HMGN5: variants seen among roughly 807,000 people sequenced by gnomAD.
HMGN5 encodes the protein high mobility group nucleosome binding domain 5.
HMGN5 carries 4 observed loss-of-function variants against 9.5 expected under a neutral mutation model. That is an observed-to-expected ratio of 0.42 (90% CI 0.21 to 0.96). The LOEUF (loss-of-function observed/expected upper bound fraction) is 0.96. HMGN5 is among the 40% of genes least tolerant of loss of function. HMGN5 has a pLI of 0.30. For missense variants in HMGN5, 192 were observed against 187.5 expected (o/e 1.02, Z -0.14); for synonymous variants, 55 against 57.1 (o/e 0.96, Z 0.16).
chrX:81,148,677 C>G (rs903947825), intron 1 of HMGN5, among the ~76,000 whole-genome samples: 2 of 111,472 alleles, frequency 1.8e-5, no homozygotes, highest in Admixed American at 9.5e-5. Context: ...AAGAAGCTAC[C>G]ATTAGAGCGA....
chrX:81,174,111 T>C (rs746962985), intron 1 of HMGN5, among the ~76,000 whole-genome samples: 42 of 111,523 alleles, frequency 3.8e-4, no homozygotes, highest in African/African-American at 1.3e-3. Context: ...AGTCTCATTA[T>C]AGGAAAATAA....
At chrX:81,154,725 C>A (rs1209128449) in intron 1 of HMGN5, among the ~76,000 whole-genome samples, 2 of 110,757 alleles carry the variant, frequency 1.8e-5, no homozygotes, top group Non-Finnish European at 3.8e-5. Flanking sequence ...ATAGACATTT[C>A]TCAAAAGGAG....
chrX:81,130,651 C>A (rs1289113538), intron 1 of HMGN5, among the ~76,000 whole-genome samples: 1 of 110,200 alleles, frequency 9.1e-6, no homozygotes, highest in African/African-American at 3.3e-5. Context: ...TTCAGTTCTC[C>A]CTGAGATACC....
intron 1 of HMGN5, among the ~76,000 whole-genome samples, chrX:81,200,751 A>T (rs2075524020): frequency 9.0e-6 from 1 of 110,981 alleles, no homozygotes; most frequent in Non-Finnish European, 1.9e-5. Context: ...TGAAATACCT[A>T]ATGTAAACAA....
At chrX:81,119,314 T>G (rs780212992) in intron 3 of HMGN5, among the ~76,000 whole-genome samples, 2 of 112,011 alleles carry the variant, frequency 1.8e-5, no homozygotes, top group East Asian at 5.6e-4. Context: ...ATTCTCGCTT[T>G]GTAGGACATA....
intron 1 of HMGN5, among the ~76,000 whole-genome samples, chrX:81,182,083 G>A (rs1371940293): frequency 1.8e-5 from 2 of 111,384 alleles, no homozygotes; most frequent in African/African-American, 3.3e-5. Flanking sequence ...GTGGGTTCCC[G>A]TTTCTCCACA....
At chrX:81,161,777 T>C (rs1426929653) in intron 1 of HMGN5, among the ~76,000 whole-genome samples, 3 of 110,931 alleles carry the variant, frequency 2.7e-5, no homozygotes. Flanking sequence ...ACATGAAAAA[T>C]AGGATACACC....
intron 1 of HMGN5, among the ~76,000 whole-genome samples, chrX:81,196,099 A>C (rs1602585696): frequency 8.9e-6 from 1 of 111,735 alleles, no homozygotes. Context: ...TCTCCTCTGC[A>C]GATACTCCCC....
chrX:81,159,169 T>C (rs771264546), intron 1 of HMGN5, among the ~76,000 whole-genome samples: 46 of 111,230 alleles, frequency 4.1e-4, no homozygotes, highest in Middle Eastern at 4.6e-3. Context: ...CACTTGTAAG[T>C]GTGAGCTGAA....
chrX:81,195,147 C>T (rs758534545), intron 1 of HMGN5: 6 of 112,020 alleles, frequency 5.4e-5, no homozygotes, highest in Admixed American at 4.7e-4. Flanking sequence ...CCACATTAGG[C>T]TGTCTGCAAG....
chrX:81,116,262 G>C lies in HMGN5; in HGVS notation c.209C>G (p.Ala70Gly). 8.4e-7 allele frequency: 1 copy of C among 1,193,788 alleles called. No homozygotes were observed. Among genetic ancestry groups the C allele is most frequent in the Middle Eastern group, 2.3e-4 (1 of 4,305 alleles). ...TTCATTGTAGTCTTCTTCAACAACT[G>C]CTTCTTGCTTGGTTTCAGCAACTGC... Reference protein sequence around the residue: ...AQAVAETKQEAVVEEDYNENA... With the variant: ...AQAVAETKQEGVVEEDYNENA... The change falls in exon 6 of 7, where the codon GCA becomes GGA. Residue 70 changes from alanine (A) to glycine (G), a missense_variant. Coordinates refer to ENST00000358130, the MANE Select transcript of HMGN5 (RefSeq NM_030763.3).
At chrX:81,148,122 G>A (rs2075350478) in intron 1 of HMGN5, among the ~76,000 whole-genome samples, 1 of 111,917 alleles carries the variant, frequency 8.9e-6, no homozygotes, top group Non-Finnish European at 1.9e-5. Context: ...CACTGAACTG[G>A]AAAAAATTAC....
intron 1 of HMGN5, among the ~76,000 whole-genome samples, chrX:81,189,037 T>C (rs2075486509): frequency 8.9e-6 from 1 of 112,127 alleles, no homozygotes; most frequent in Non-Finnish European, 1.9e-5. Flanking sequence ...CTTTTAGCAT[T>C]TCTTGTGGGA....
intron 1 of HMGN5, among the ~76,000 whole-genome samples, chrX:81,133,795 C>T (rs1329872331): frequency 1.8e-5 from 2 of 111,083 alleles, no homozygotes; most frequent in South Asian, 3.8e-4. Flanking sequence ...ATAATCTCTT[C>T]AACAAACCTC....
rs541595110 is a variant in HMGN5, at chrX:81,153,288, C to G, written c.-123-31616G>C. Among the ~76,000 whole-genome samples the G allele has an allele frequency of 2.1e-4, 23 of 107,639 alleles. No individual in the cohort carries two copies. In the South Asian group the frequency reaches 9.7e-3, roughly 45 times the overall value. The allele number at this position is 107,639 out of a possible 115,157, so 93.5% of individuals were successfully genotyped here. ...AAAGATCAGGCTGGGCTTGGTGGCT[C>G]ACACCTGTAATCCCAGCACTTTGGA... On this transcript the variant is annotated intron_variant, in intron 1 of 6. Transcript: ENST00000358130.
chrX:81,159,607 A>G (rs991410049), intron 1 of HMGN5, among the ~76,000 whole-genome samples: 5 of 110,937 alleles, frequency 4.5e-5, no homozygotes, highest in Non-Finnish European at 9.4e-5. Context: ...GGAGAATTCA[A>G]ATGGTAGTTA....
chrX:81,188,210 C>A (rs1476091616), intron 1 of HMGN5, among the ~76,000 whole-genome samples: 1 of 108,686 alleles, frequency 9.2e-6, no homozygotes, highest in Non-Finnish European at 1.9e-5. Context: ...GCAATCCTCC[C>A]ACCTCAGCCT....
At chrX:81,160,267 T>C (rs1465935621) in intron 1 of HMGN5, among the ~76,000 whole-genome samples, 1 of 112,068 alleles carries the variant, frequency 8.9e-6, no homozygotes, top group Admixed American at 9.5e-5. Context: ...TCCCAGAAAA[T>C]TTACTATCAG....
chrX:81,201,637 T>G lies in HMGN5; in HGVS notation c.-124+100A>C, dbSNP rs144503417. The G allele has an allele frequency of 3.8e-3, 422 of 112,495 alleles. 2 individuals carry two copies. Among genetic ancestry groups the G allele is most frequent in the African/African-American group, 0.012 (377 of 30,772 alleles). The allele number at this position is 112,495 out of a possible 1,213,427, so 9.3% of individuals were successfully genotyped here. ...AAACTCTGCAGCATTGCTCAGTACT[T>G]TAGTGCCTAATTCCTACAACGAGCT... On this transcript the variant is annotated intron_variant, in intron 1 of 6. Coordinates refer to ENST00000358130, the MANE Select transcript of HMGN5 (RefSeq NM_030763.3).
Sources: gnomAD v4.1 joint callset for allele counts (sites outside exome capture counted in the v4.1 genomes callset) on GRCh38, gnomAD v4.1.1 for gene constraint, MANE v1.5 for transcripts, NCBI Gene and HGNC (gene_info 2026-07-23, HGNC 2026-07-21) for gene names.